Variants in SOD2 observed in about 807,000 individuals in gnomAD.
SOD2 encodes the protein superoxide dismutase [Mn], mitochondrial.
SOD2 carries 11 observed loss-of-function variants against 27.0 expected under a neutral mutation model. That is an observed-to-expected ratio of 0.41 (90% CI 0.26 to 0.67). The LOEUF (loss-of-function observed/expected upper bound fraction) is 0.67. Among genes scored for constraint, SOD2 ranks in the 30% least tolerant of loss-of-function variants. The probability of loss-of-function intolerance (pLI) is 0.34; values close to 1 mark genes in which losing one functional copy is unlikely to be tolerated. For missense variants in SOD2, 250 were observed against 274.5 expected (o/e 0.91, Z 0.63); for synonymous variants, 105 against 103.0 (o/e 1.02, Z -0.12).
In SOD2 at chr6:159,744,832, A is replaced by C. The variant is rs548153410; in HGVS notation, c.-116+298T>G. 5.9e-5 allele frequency among the ~76,000 whole-genome samples: 9 copies of C among 152,176 alleles called. No homozygotes were observed. In the South Asian group the frequency reaches 1.7e-3, roughly 28 times the overall value. On this transcript the variant is annotated intron_variant, in intron 1 of 3. Transcript: ENST00000537657. ...GAGTAACTGATTTCAGGTGTGCGCCACCAAGCGCAGCTAATTTCTTAATTT... is the reference window on the plus strand; with the variant it reads ...GAGTAACTGATTTCAGGTGTGCGCCCCCAAGCGCAGCTAATTTCTTAATTT...
At chr6:159,732,781 G>A (rs1778654565) in intron 1 of SOD2, among the ~76,000 whole-genome samples, 1 of 151,994 alleles carries the variant, frequency 6.6e-6, no homozygotes, top group Non-Finnish European at 1.5e-5. Context: ...CCGAGATCGC[G>A]CCATTGCACT....
intron 1 of SOD2, among the ~76,000 whole-genome samples, chr6:159,708,623 C>T (rs1777671942): frequency 6.6e-6 from 1 of 152,090 alleles, no homozygotes; most frequent in Admixed American, 6.5e-5. Context: ...TAAAAGAGGA[C>T]ACAAACAAAT....
Position 159,762,258 on chromosome 6 carries a change from G to T in SOD2, c.-1557C>A, listed in dbSNP as rs567335523. The T allele has an allele frequency of 4.9e-5, 66 of 1,340,162 alleles. No individual in the cohort carries two copies. The African/African-American group carries it at 5.2e-4, about 11-fold the overall frequency. The allele number at this position is 1,340,162 out of a possible 1,614,324, so 83.0% of individuals were successfully genotyped here. A position where few individuals can be genotyped will look rare whatever the true frequency, so the allele number is the denominator to read the frequency against. ...ATGTGGAGGAAGCCGGTCAGGCCAA[G>T]CCGCGAGGAGCCGCGGGATCCCTGG... is the stretch of plus-strand genomic sequence containing the variant. On this transcript the variant is annotated 5_prime_UTR_variant, in exon 1 of 8. Coordinates refer to the SOD2 transcript ENST00000546087.
At chr6:159,758,698 C>T (rs562350781) in intron 1 of SOD2, among the ~76,000 whole-genome samples, 2 of 152,288 alleles carry the variant, frequency 1.3e-5, no homozygotes, top group East Asian at 1.9e-4. Context: ...GAGCTAGCCC[C>T]TAGTGGTAAG....
intron 1 of SOD2, among the ~76,000 whole-genome samples, chr6:159,720,911 C>A (rs1778025636): frequency 8.7e-6 from 1 of 115,572 alleles, no homozygotes. Context: ...GGCTGTAGTG[C>A]AATGGCGCGA....
At chr6:159,699,293 C>A (rs1048299909) in intron 1 of SOD2, among the ~76,000 whole-genome samples, 2 of 152,222 alleles carry the variant, frequency 1.3e-5, no homozygotes, top group South Asian at 2.1e-4. Context: ...CTTGGTCCAT[C>A]TGCCCCTTAG....
rs1359374769 is a variant in SOD2 at position 159,677,607 on chromosome 6, G to A, written c.*4886C>T. On this transcript the variant is annotated 3_prime_UTR_variant, in exon 5 of 5. Transcript: ENST00000538183. ...AGAGTTAAGGCAATAATCTGTGGTT[G>A]GTTAATGTTCTAAGATGTTACAAGA... 2 of 152,102 alleles carry A rather than the reference G, an allele frequency of 1.3e-5. No homozygotes were observed. The highest frequency in any genetic ancestry group is 4.8e-5 in the African/African-American group (2 of 41,408). The allele number at this position is 152,102 out of a possible 1,614,324, so 9.4% of individuals were successfully genotyped here. A position where few individuals can be genotyped will look rare whatever the true frequency, so the allele number is the denominator to read the frequency against.
intron 1 of SOD2, among the ~76,000 whole-genome samples, chr6:159,703,254 C>T (rs973284005): frequency 2.0e-5 from 3 of 152,166 alleles, no homozygotes; most frequent in African/African-American, 7.2e-5. Flanking sequence ...ATGGAGGTTG[C>T]AGTGGGCCAA....
chr6:159,706,676 T>G (rs1023957474), intron 1 of SOD2, among the ~76,000 whole-genome samples: 3 of 152,048 alleles, frequency 2.0e-5, no homozygotes, highest in African/African-American at 4.8e-5. Flanking sequence ...ATGGGAGACT[T>G]TAACACCCCA....
intron 2 of SOD2, chr6:159,692,317 G>A (rs1777241031): frequency 1.1e-6 from 1 of 936,932 alleles, no homozygotes; most frequent in East Asian, 3.3e-5. Context: ...ATTTCAATTT[G>A]CAAAAAAAAC....
At chr6:159,712,902 T>C in intron 1 of SOD2, 1 of 637,712 alleles carries the variant, frequency 1.6e-6, no homozygotes, top group Non-Finnish European at 2.9e-6. Flanking sequence ...ACCCCCCTAC[T>C]TGTTCCTATA....
At chr6:159,719,442 C>T (rs967701722) in intron 1 of SOD2, among the ~76,000 whole-genome samples, 2 of 151,804 alleles carry the variant, frequency 1.3e-5, no homozygotes, top group Non-Finnish European at 2.9e-5. Flanking sequence ...GTGGGAAAAT[C>T]GCTTGAACCA....
chr6:159,695,311 T>G (rs1777401812), upstream of SOD2, among the ~76,000 whole-genome samples: 1 of 152,164 alleles, frequency 6.6e-6, no homozygotes, highest in East Asian at 1.9e-4. Flanking sequence ...AAGCGACTCC[T>G]AGGACATGCC....
chr6:159,707,834 A>G (rs1777656999), intron 1 of SOD2, among the ~76,000 whole-genome samples: 1 of 152,198 alleles, frequency 6.6e-6, no homozygotes, highest in African/African-American at 2.4e-5. Flanking sequence ...ATTTTAGACC[A>G]ATATCCCTGA....
chr6:159,700,207 T>G (rs560657224), intron 1 of SOD2, among the ~76,000 whole-genome samples: 4 of 152,242 alleles, frequency 2.6e-5, no homozygotes, highest in African/African-American at 9.6e-5. Context: ...TATTAAACAT[T>G]TAAGGGATCA....
At chr6:159,732,174 A>G (rs1778612824), upstream of SOD2, among the ~76,000 whole-genome samples, 1 of 152,332 alleles carries the variant, frequency 6.6e-6, no homozygotes, top group East Asian at 1.9e-4. Flanking sequence ...ATTGAAAAAA[A>G]TCCAAATATA....
intron 1 of SOD2, among the ~76,000 whole-genome samples, chr6:159,722,012 CTATAG>C (rs1482436980): frequency 1.3e-5 from 2 of 151,720 alleles, no homozygotes; most frequent in African/African-American, 2.4e-5. Flanking sequence ...AGCTGGCATC[CTATAG>C]TAAAGAAGAG....
At chr6:159,683,468 G>C (rs1227109617) in intron 4 of SOD2, among the ~76,000 whole-genome samples, 1 of 152,190 alleles carries the variant, frequency 6.6e-6, no homozygotes, top group Admixed American at 6.5e-5. Context: ...CTGGGCAACA[G>C]AGTGAGACTC....
At chr6:159,727,817 G>A, upstream of SOD2, 4 of 737,838 alleles carry the variant, frequency 5.4e-6, no homozygotes, top group Non-Finnish European at 6.6e-6. Context: ...GGCCACACGG[G>A]CCTGGTGCGG....
Sources: allele counts gnomAD v4.1 joint callset (sites outside exome capture counted in the v4.1 genomes callset), GRCh38; gene constraint gnomAD v4.1.1; transcripts MANE v1.5; gene names NCBI Gene and HGNC (gene_info 2026-07-23, HGNC 2026-07-21).